RFTN1: variants seen among roughly 807,000 people sequenced by gnomAD.
RFTN1 encodes the protein raftlin, lipid raft linker 1, also known as raftlin.
Under a neutral mutation model 46.5 loss-of-function variants are expected in RFTN1, and 26 were observed. That is an observed-to-expected ratio of 0.56 (90% CI 0.41 to 0.78). The LOEUF (loss-of-function observed/expected upper bound fraction) is 0.78. Ranked by LOEUF, RFTN1 falls within the 30% of genes least tolerant of loss-of-function variation. The probability of loss-of-function intolerance (pLI) is 0.00; values close to 1 mark genes in which losing one functional copy is unlikely to be tolerated. For synonymous variants in RFTN1, 261 were observed against 284.2 expected (o/e 0.92, Z 0.82); for missense variants, 693 against 718.7 (o/e 0.96, Z 0.41).
intron 8 of RFTN1, among the ~76,000 whole-genome samples, 175 bp downstream of exon 8, chr3:16,326,598 A>G (rs906314336): frequency 2.4e-4 from 37 of 152,118 alleles, no homozygotes; most frequent in Admixed American, 2.1e-3. Flanking sequence ...TCTCTGGGTG[A>G]CGGTGGTTAA....
intron 3 of RFTN1, among the ~76,000 whole-genome samples, chr3:16,423,076 G>A (rs1429603965): frequency 6.6e-6 from 1 of 152,002 alleles, no homozygotes; most frequent in Non-Finnish European, 1.5e-5. Flanking sequence ...GCTGAGGCAG[G>A]AGAATGGCGA....
chr3:16,318,574 A>G (rs558659467), intron 9 of RFTN1, among the ~76,000 whole-genome samples: 1 of 152,094 alleles, frequency 6.6e-6, no homozygotes, highest in South Asian at 2.1e-4. Flanking sequence ...CAGATAAAAC[A>G]TTTGCCCAAA....
At chr3:16,501,379 T>C (rs900502554) in intron 1 of RFTN1, among the ~76,000 whole-genome samples, 11 of 152,220 alleles carry the variant, frequency 7.2e-5, no homozygotes, top group African/African-American at 2.7e-4. Flanking sequence ...AGCTATAACG[T>C]AGAAAAGGCT....
intron 2 of RFTN1, among the ~76,000 whole-genome samples, chr3:16,434,389 C>CAAA (rs770025623): frequency 9.9e-6 from 1 of 100,780 alleles, no homozygotes; most frequent in Non-Finnish European, 2.4e-5. Context: ...AACAAACAAA[C>CAAA]AAACAAAAAC....
At position 16,491,615 on chromosome 3, in the gene RFTN1, G is replaced by A. The variant is rs562987396; in HGVS notation, c.145+2110C>T. On this transcript the variant is annotated intron_variant, in intron 2 of 9. Coordinates refer to ENST00000334133, the MANE Select transcript of RFTN1 (RefSeq NM_015150.2). ...AGGGAAACAAACAAATAAGGAGGTCGGGGAAATCATTCAGAGACCAGCTAT... is the reference window on the plus strand; with the variant it reads ...AGGGAAACAAACAAATAAGGAGGTCAGGGAAATCATTCAGAGACCAGCTAT... Among the ~76,000 whole-genome samples the A allele has an allele frequency of 1.6e-4, 24 of 152,200 alleles. No individual in the cohort carries two copies. In the South Asian group the frequency reaches 2.1e-3, roughly 13 times the overall value.
chr3:16,451,038 C>T lies in RFTN1; in HGVS notation c.146-17001G>A, dbSNP rs896691842. ...ACTGGGGATAGAAAACGGAGGCTCA[C>T]GTACCTGTGCATAAATGCTCACTAA... On this transcript the variant is annotated intron_variant, in intron 2 of 9. Coordinates refer to ENST00000334133, the MANE Select transcript of RFTN1 (RefSeq NM_015150.2). This position sits in a 1 kb window ranked among gnomAD's most constrained non-coding sequence, Gnocchi z 4.2. 7.2e-5 allele frequency among the ~76,000 whole-genome samples: 11 copies of T among 152,174 alleles called. No individual in the cohort carries two copies. The highest frequency in any genetic ancestry group is 1.4e-4 in the African/African-American group (6 of 41,422).
Position 16,384,826 on chromosome 3 carries a change from G to C in RFTN1, c.442-6724C>G, listed in dbSNP as rs1159275271. Among the ~76,000 whole-genome samples the C allele has an allele frequency of 6.6e-6, 1 of 152,130 alleles. No individual in the cohort carries two copies. The highest frequency in any genetic ancestry group is 2.4e-5 in the African/African-American group (1 of 41,422). ...TGAGTCACATTTCAAGCACCCACCA[G>C]CCACTTGTGGCTAGTGATGACCCCA... is the stretch of plus-strand genomic sequence containing the variant. On this transcript the variant is annotated intron_variant, in intron 4 of 9. Coordinates refer to ENST00000334133, the MANE Select transcript of RFTN1 (RefSeq NM_015150.2). The surrounding 1 kb of genome is among the most constrained non-coding windows in gnomAD (Gnocchi z 4.7).
chr3:16,377,043 A>G (rs756886063), intron 5 of RFTN1, among the ~76,000 whole-genome samples: 5 of 152,030 alleles, frequency 3.3e-5, no homozygotes, highest in African/African-American at 4.8e-5. Flanking sequence ...AAATGACCAG[A>G]TGCTAGATTT....
At position 16,468,663 on chromosome 3, in the gene RFTN1, A is replaced by G. The variant is rs2076143473; in HGVS notation, c.145+25062T>C. On this transcript the variant is annotated intron_variant, in intron 2 of 9. Transcript: ENST00000334133. This position sits in a 1 kb window ranked among gnomAD's most constrained non-coding sequence, Gnocchi z 4.4. ...AAAAAAAAAAAAAACTTTACTCAGA[A>G]AAAAGATAAGGCTAAAATCAGATCT... Among the ~76,000 whole-genome samples, 1 of 152,170 alleles carries G rather than the reference A, an allele frequency of 6.6e-6. No homozygotes were observed. The highest frequency in any genetic ancestry group is 6.5e-5 in the Admixed American group (1 of 15,280).
rs80351227 is a variant in RFTN1 at position 16,415,426 on chromosome 3, T to C, written c.333-5943A>G. ...ACAGTTGAGTATATATATATATATA[T>C]ATATACACACACACACACACATATA... is the stretch of plus-strand genomic sequence containing the variant. On this transcript the variant is annotated intron_variant, in intron 3 of 9. Transcript: ENST00000334133. 1.1e-4 allele frequency among the ~76,000 whole-genome samples: 10 copies of C among 90,266 alleles called. 1 individual carries two copies. Among genetic ancestry groups the C allele is most frequent in the South Asian group, 7.3e-4 (2 of 2,750 alleles). 59.2% of individuals were successfully genotyped at this position (90,266 alleles called of 152,430 possible).
chr3:16,459,987 T>G lies in RFTN1; in HGVS notation c.146-25950A>C, dbSNP rs1006535654. Among the ~76,000 whole-genome samples the G allele has an allele frequency of 6.6e-6, 1 of 152,216 alleles. No individual in the cohort carries two copies. Among genetic ancestry groups the G allele is most frequent in the Admixed American group, 6.5e-5 (1 of 15,288 alleles). ...TGAAGCCAAGACATTTTTGAGAACATGAATTTTCCATATGATTGACTTATT... is the reference window on the plus strand; with the variant it reads ...TGAAGCCAAGACATTTTTGAGAACAGGAATTTTCCATATGATTGACTTATT... On this transcript the variant is annotated intron_variant, in intron 2 of 9. Coordinates refer to ENST00000334133, the MANE Select transcript of RFTN1 (RefSeq NM_015150.2). The surrounding 1 kb of genome is among the most constrained non-coding windows in gnomAD (Gnocchi z 4.2).
intron 2 of RFTN1, among the ~76,000 whole-genome samples, chr3:16,477,984 A>C (rs1411079460): frequency 6.6e-6 from 1 of 152,264 alleles, no homozygotes; most frequent in African/African-American, 2.4e-5. Context: ...GAAATGACAA[A>C]AATGGAAAAA....
rs1693748602 is a variant in RFTN1 at position 16,513,329 on chromosome 3, G to A, written c.-9+113C>T. The A allele has an allele frequency of 6.5e-6, 1 of 152,732 alleles. No individual in the cohort carries two copies. Among genetic ancestry groups the A allele is most frequent in the South Asian group, 2.1e-4 (1 of 4,838 alleles). 9.5% of individuals were successfully genotyped at this position (152,732 alleles called of 1,614,324 possible). A position where few individuals can be genotyped will look rare whatever the true frequency, so the allele number is the denominator to read the frequency against. ...GCCCCGGCAAAGAGCAACCTGCAGG[G>A]AGGCGCCACGCGCGGTTCCCACTAC... On this transcript the variant is annotated intron_variant, in intron 1 of 9. Transcript: ENST00000334133. This position sits in a 1 kb window ranked among gnomAD's most constrained non-coding sequence, Gnocchi z 5.4.
In RFTN1 at chr3:16,449,261, A is replaced by G. The variant is rs2075784364; in HGVS notation, c.146-15224T>C. ...CAGAAATCTGGAATTGAATTATAGGAGAGAAAGCTGATTATTCATCAAATC... is the reference window on the plus strand; with the variant it reads ...CAGAAATCTGGAATTGAATTATAGGGGAGAAAGCTGATTATTCATCAAATC... On this transcript the variant is annotated intron_variant, in intron 2 of 9. Coordinates refer to ENST00000334133, the MANE Select transcript of RFTN1 (RefSeq NM_015150.2). The surrounding 1 kb of genome is among the most constrained non-coding windows in gnomAD (Gnocchi z 5.1). 6.6e-6 allele frequency among the ~76,000 whole-genome samples: 1 copy of G among 152,220 alleles called. No homozygotes were observed. The highest frequency in any genetic ancestry group is 1.5e-5 in the Non-Finnish European group (1 of 68,036).
At chr3:16,412,223 G>C (rs998283925) in intron 3 of RFTN1, among the ~76,000 whole-genome samples, 1 of 152,202 alleles carries the variant, frequency 6.6e-6, no homozygotes, top group Non-Finnish European at 1.5e-5. Flanking sequence ...GCAAGTAATA[G>C]GCGTTCTCCT....
intron 7 of RFTN1, chr3:16,339,577 A>AC: frequency 6.6e-6 from 1 of 152,330 alleles, no homozygotes. Context: ...ACTGAGACCT[A>AC]CCACGGGACA....
intron 2 of RFTN1, among the ~76,000 whole-genome samples, chr3:16,470,918 A>C (rs184895864): frequency 6.6e-6 from 1 of 152,318 alleles, no homozygotes; most frequent in Non-Finnish European, 1.5e-5. Context: ...ACAAACAAGA[A>C]TTTCCAGATA....
At chr3:16,362,310 T>C (rs1340956319) in intron 6 of RFTN1, among the ~76,000 whole-genome samples, 1 of 152,222 alleles carries the variant, frequency 6.6e-6, no homozygotes, top group African/African-American at 2.4e-5. Context: ...AGCTTGCCTC[T>C]CTCATCTGCT....
At position 16,426,660 on chromosome 3, in the gene RFTN1, C is replaced by CGT. The variant is rs34705903; in HGVS notation, c.332+7189_332+7190dup. Among the ~76,000 whole-genome samples, 18,378 of 141,910 alleles carry CGT rather than the reference C, an allele frequency of 0.13. 1,412 individuals carry two copies. Among genetic ancestry groups the CGT allele is most frequent in the East Asian group, 0.28 (1,349 of 4,872 alleles). The allele number at this position is 141,910 out of a possible 152,430, so 93.1% of individuals were successfully genotyped here. A position where few individuals can be genotyped will look rare whatever the true frequency, so the allele number is the denominator to read the frequency against. On this transcript the variant is annotated intron_variant, in intron 3 of 9. Transcript: ENST00000334133. The surrounding 1 kb of genome is among the most constrained non-coding windows in gnomAD (Gnocchi z 5.9). ...ACTGTTATTTTGGCAATGAAAGGAT[C>CGT]GTGTGTGTGTGTGTGTGTGTGTGTG...
Sources: gnomAD v4.1 joint callset for allele counts (sites outside exome capture counted in the v4.1 genomes callset) on GRCh38, gnomAD v4.1.1 for gene constraint, Gnocchi (gnomAD v3.1) non-coding constraint, MANE v1.5 for transcripts, NCBI Gene and HGNC (gene_info 2026-07-23, HGNC 2026-07-21) for gene names.